Variants in INPP4B observed in about 807,000 individuals in gnomAD.
INPP4B encodes the protein inositol polyphosphate-4-phosphatase type II B, also known as inositol polyphosphate 4-phosphatase type II.
A neutral mutation model predicts 122.5 loss-of-function variants in INPP4B; 55 were observed. The observed-to-expected ratio is 0.45, with a 90% CI of 0.36 to 0.56. INPP4B has a LOEUF of 0.56. Ranked by LOEUF, INPP4B falls within the 20% of genes least tolerant of loss-of-function variation. The pLI is 0.00. For missense variants in INPP4B, 1,000 were observed against 1,097.7 expected (o/e 0.91, Z 1.26); for synonymous variants, 403 against 388.7 (o/e 1.04, Z -0.43).
intron 2 of INPP4B, among the ~76,000 whole-genome samples, chr4:142,612,717 G>A (rs1335697430): frequency 6.6e-6 from 1 of 152,044 alleles, no homozygotes; most frequent in Non-Finnish European, 1.5e-5. Flanking sequence ...TTTTATGAGG[G>A]CACTAATCTC....
intron 2 of INPP4B, among the ~76,000 whole-genome samples, chr4:142,679,284 C>G (rs1758248242): frequency 6.6e-6 from 1 of 151,844 alleles, no homozygotes; most frequent in African/African-American, 2.4e-5. Flanking sequence ...AAAGGCTTGA[C>G]AAGACACAGT....
rs141516839 is a variant in INPP4B, at chr4:142,552,041, T to C, written c.-190-89315A>G. On this transcript the variant is annotated intron_variant, in intron 2 of 25. Transcript: ENST00000262992. Reference sequence around the variant, plus strand: ...GGGACCTATTTCAGAGAAGTAGCAATTGACTCAGCATCAACCAGAGTCCTG... The same window carrying C: ...GGGACCTATTTCAGAGAAGTAGCAACTGACTCAGCATCAACCAGAGTCCTG... Among the ~76,000 whole-genome samples, 406 of 152,224 alleles carry C rather than the reference T, an allele frequency of 2.7e-3. 1 individual carries two copies. Among genetic ancestry groups the C allele is most frequent in the African/African-American group, 9.3e-3 (385 of 41,530 alleles).
chr4:142,093,568 C>T (rs1317879570), intron 23 of INPP4B, among the ~76,000 whole-genome samples: 1 of 152,154 alleles, frequency 6.6e-6, no homozygotes, highest in Non-Finnish European at 1.5e-5. Flanking sequence ...AACATCAAGT[C>T]TCTTCTACAA....
rs142550042 is a variant in INPP4B at position 142,563,884 on chromosome 4, C to T, written c.-190-101158G>A. ...TGGCTCTACCCAACAGTCAGCTAAT[C>T]CCCCGAAGCAGAGCCTTTTCACTGA... On this transcript the variant is annotated intron_variant, in intron 2 of 25. Transcript: ENST00000262992. Among the ~76,000 whole-genome samples, 17 of 152,254 alleles carry T rather than the reference C, an allele frequency of 1.1e-4. No individual in the cohort carries two copies. The East Asian group carries it at 2.9e-3, about 26-fold the overall frequency.
intron 7 of INPP4B, among the ~76,000 whole-genome samples, chr4:142,402,410 C>T (rs888783069): frequency 1.3e-5 from 2 of 152,166 alleles, no homozygotes; most frequent in Non-Finnish European, 2.9e-5. Flanking sequence ...GGACAAAAGA[C>T]CACTGGGATT....
At chr4:142,078,235 G>A (rs1257209642) in intron 25 of INPP4B, among the ~76,000 whole-genome samples, 1 of 151,982 alleles carries the variant, frequency 6.6e-6, no homozygotes, top group East Asian at 1.9e-4. Context: ...GTGGATTCAG[G>A]TGGTGAGCTG....
At chr4:142,140,630 G>A (rs537502126) in intron 18 of INPP4B, among the ~76,000 whole-genome samples, 1 of 152,298 alleles carries the variant, frequency 6.6e-6, no homozygotes, top group South Asian at 2.1e-4. Context: ...ATTTATTAGA[G>A]TGTACTCAAA....
intron 10 of INPP4B, among the ~76,000 whole-genome samples, chr4:142,264,722 G>A (rs1741933980): frequency 6.6e-6 from 1 of 152,146 alleles, no homozygotes; most frequent in South Asian, 2.1e-4. Context: ...AGATTAAAAT[G>A]TAGTATTTTA....
chr4:142,468,917 C>A (rs1368894620), intron 2 of INPP4B, among the ~76,000 whole-genome samples: 1 of 152,048 alleles, frequency 6.6e-6, no homozygotes, highest in African/African-American at 2.4e-5. Context: ...CCTAATAGGT[C>A]CAGCATTAAA....
chr4:142,084,354 C>T (rs1042262954), intron 24 of INPP4B, among the ~76,000 whole-genome samples: 53 of 152,034 alleles, frequency 3.5e-4, no homozygotes, highest in Admixed American at 7.2e-4. Flanking sequence ...CACCTGACCT[C>T]GTGATCCGCC....
chr4:142,151,443 C>A (rs78403011), intron 17 of INPP4B, among the ~76,000 whole-genome samples: 4,335 of 152,220 alleles, frequency 0.028, 190 homozygotes, highest in African/African-American at 0.098. Context: ...AATACCTGAC[C>A]TTCATCTCCC....
chr4:142,667,317 T>G (rs1323830895), intron 2 of INPP4B, among the ~76,000 whole-genome samples: 1 of 152,218 alleles, frequency 6.6e-6, no homozygotes, highest in Non-Finnish European at 1.5e-5. Context: ...CAGTTGGTCA[T>G]GACCTGATAT....
intron 1 of INPP4B, among the ~76,000 whole-genome samples, chr4:142,845,292 G>A (rs62331934): frequency 0.054 from 8,246 of 152,152 alleles, 267 homozygotes; most frequent in Middle Eastern, 0.13. Flanking sequence ...GCGTGGGGAG[G>A]GGGAAAAACA....
chr4:142,317,121 G>A (rs753317553), intron 7 of INPP4B: 32 of 154,686 alleles, frequency 2.1e-4, no homozygotes, highest in Non-Finnish European at 4.0e-4. Context: ...AGGATGAGTA[G>A]GAGTTTTAGG....
chr4:142,476,078 G>A (rs1299192266), intron 2 of INPP4B, among the ~76,000 whole-genome samples: 1 of 152,106 alleles, frequency 6.6e-6, no homozygotes, highest in Non-Finnish European at 1.5e-5. Context: ...GAAAAATATT[G>A]AAGGCAGTTA....
intron 23 of INPP4B, among the ~76,000 whole-genome samples, chr4:142,103,022 ACT>A (rs1199669142): frequency 6.6e-6 from 1 of 151,432 alleles, no homozygotes; most frequent in African/African-American, 2.4e-5. Flanking sequence ...AGCTTTCACC[ACT>A]CTGTTTCTCT....
At chr4:142,742,209 C>A (rs143865650) in intron 1 of INPP4B, among the ~76,000 whole-genome samples, 188 of 152,034 alleles carry the variant, frequency 1.2e-3, no homozygotes, top group African/African-American at 4.1e-3. Flanking sequence ...CCTCTAGGGA[C>A]AGCCCACAGC....
chr4:142,812,893 C>T (rs1779678032), intron 1 of INPP4B, among the ~76,000 whole-genome samples: 1 of 152,124 alleles, frequency 6.6e-6, no homozygotes, highest in Admixed American at 6.6e-5. Flanking sequence ...TTACCAGTCA[C>T]ATATGGGGGA....
At chr4:142,428,075 A>AT (rs1233282364) in intron 5 of INPP4B, among the ~76,000 whole-genome samples, 4 of 150,114 alleles carry the variant, frequency 2.7e-5, no homozygotes, top group Admixed American at 6.6e-5. Flanking sequence ...TTTTAGCTAT[A>AT]TTTTTTAAAA....
Sources: gnomAD v4.1 joint callset for allele counts (sites outside exome capture counted in the v4.1 genomes callset) on GRCh38, gnomAD v4.1.1 for gene constraint, MANE v1.5 for transcripts, NCBI Gene and HGNC (gene_info 2026-07-23, HGNC 2026-07-21) for gene names.